MDGA2: variants seen among roughly 807,000 people sequenced by gnomAD.
The protein encoded by MDGA2 is MAM domain-containing glycosylphosphatidylinositol anchor protein 2.
In MDGA2, 40 loss-of-function variants were observed where a neutral mutation model predicts 117.8. The observed-to-expected ratio is 0.34, with a 90% CI of 0.26 to 0.44. The LOEUF is 0.44. Among genes scored for constraint, MDGA2 ranks in the 20% least tolerant of loss-of-function variants. MDGA2 has a pLI of 1.00. For synonymous variants in MDGA2, 452 were observed against 439.0 expected (o/e 1.03, Z -0.37); for missense variants, 1,123 against 1,250.6 (o/e 0.90, Z 1.54).
chr14:47,595,551 A>AC (rs36033667), intron 1 of MDGA2, among the ~76,000 whole-genome samples: 53,934 of 144,102 alleles, frequency 0.37, 11,828 homozygotes, highest in East Asian at 0.66. Context: ...AAAAAACAAA[A>AC]AAAAACAAAA....
At position 47,144,035 on chromosome 14, in the gene MDGA2, A is replaced by C. The variant is rs1164702764; in HGVS notation, c.792+43T>G. The C allele has an allele frequency of 1.1e-5, 15 of 1,389,962 alleles. 1 individual carries two copies. The East Asian group carries it at 3.9e-4, about 36-fold the overall frequency. 86.1% of individuals were successfully genotyped at this position (1,389,962 alleles called of 1,614,324 possible). ...TTCATGCTGCCTGAATTAGGAAAGT[A>C]TCCTAGCAGAGTAGGGTGGAAATAC... On this transcript the variant is annotated intron_variant, in intron 4 of 16. Coordinates refer to ENST00000399232, the MANE Select transcript of MDGA2 (RefSeq NM_001113498.3).
At chr14:47,538,914 T>C (rs769061397) in intron 1 of MDGA2, among the ~76,000 whole-genome samples, 2 of 152,016 alleles carry the variant, frequency 1.3e-5, no homozygotes, top group African/African-American at 2.4e-5. Flanking sequence ...GGTAACGGAG[T>C]ACCTAAGAAG....
intron 3 of MDGA2, among the ~76,000 whole-genome samples, chr14:47,211,428 C>T (rs148502497): frequency 2.0e-4 from 30 of 152,192 alleles, no homozygotes; most frequent in Admixed American, 6.5e-4. Context: ...TAGGTTTTCC[C>T]GCCTTAATTT....
At chr14:47,254,686 C>A (rs1306372915) in intron 2 of MDGA2, among the ~76,000 whole-genome samples, 1 of 152,194 alleles carries the variant, frequency 6.6e-6, no homozygotes, top group Non-Finnish European at 1.5e-5. Flanking sequence ...CAAACTGCTA[C>A]AGTCTCTGCC....
intron 3 of MDGA2, among the ~76,000 whole-genome samples, chr14:47,158,542 G>A (rs1257943798): frequency 1.3e-5 from 2 of 149,502 alleles, no homozygotes; most frequent in African/African-American, 5.0e-5. Context: ...GTGCAGTGGC[G>A]CGATCTCGGC....
chr14:47,638,895 T>TAGAA (rs1594956816), intron 1 of MDGA2, among the ~76,000 whole-genome samples: 1 of 152,204 alleles, frequency 6.6e-6, no homozygotes, highest in East Asian at 1.9e-4. Context: ...GTTACCTCTC[T>TAGAA]GGTCTCACCT....
At chr14:47,475,574 G>A (rs923140559) in intron 1 of MDGA2, among the ~76,000 whole-genome samples, 7 of 152,030 alleles carry the variant, frequency 4.6e-5, no homozygotes, top group East Asian at 1.9e-4. Context: ...TGGAATCAAC[G>A]CAAAAGCCCA....
At chr14:47,000,333 T>TTATATATA (rs199648904) in intron 8 of MDGA2, among the ~76,000 whole-genome samples, 4 of 128,680 alleles carry the variant, frequency 3.1e-5, no homozygotes, top group African/African-American at 1.1e-4. Flanking sequence ...ATATATATAT[T>TTATATATA]TATATATATA....
chr14:47,598,303 C>T (rs1896584746), intron 1 of MDGA2, among the ~76,000 whole-genome samples: 1 of 152,160 alleles, frequency 6.6e-6, no homozygotes, highest in Admixed American at 6.6e-5. Context: ...TACTACATAG[C>T]CCGTCAATTC....
chr14:47,503,645 C>G (rs993391727), intron 1 of MDGA2, among the ~76,000 whole-genome samples: 3 of 152,096 alleles, frequency 2.0e-5, no homozygotes, highest in African/African-American at 7.2e-5. Context: ...ACCTCGTGAT[C>G]TGCCCGCCTC....
intron 1 of MDGA2, among the ~76,000 whole-genome samples, chr14:47,542,064 G>C (rs1192430848): frequency 6.6e-6 from 1 of 152,154 alleles, no homozygotes; most frequent in Non-Finnish European, 1.5e-5. Context: ...TAGAGACACA[G>C]AGAGAGAAAG....
chr14:46,904,262 C>T (rs1883402613), intron 10 of MDGA2, among the ~76,000 whole-genome samples: 1 of 151,358 alleles, frequency 6.6e-6, no homozygotes, highest in African/African-American at 2.4e-5. Context: ...ATCCCAGCTA[C>T]TCCGGAGGCT....
chr14:47,523,244 C>T (rs1894905701), intron 1 of MDGA2, among the ~76,000 whole-genome samples: 2 of 151,980 alleles, frequency 1.3e-5, no homozygotes, highest in Admixed American at 6.6e-5. Context: ...GACAAAACAC[C>T]CGGTAAGTAC....
At chr14:47,366,097 G>A (rs1891225201) in intron 1 of MDGA2, among the ~76,000 whole-genome samples, 1 of 152,128 alleles carries the variant, frequency 6.6e-6, no homozygotes, top group Non-Finnish European at 1.5e-5. Context: ...TCCAGTAACT[G>A]CAGTTCTGAC....
At chr14:46,842,085 A>C in intron 16 of MDGA2, 66 bp from the exon 17 acceptor site, 1 of 978,166 alleles carries the variant, frequency 1.0e-6, no homozygotes, top group Non-Finnish European at 1.6e-6. Context: ...GTAGCTACTA[A>C]CACAACCTTG....
intron 1 of MDGA2, among the ~76,000 whole-genome samples, chr14:47,639,555 C>A (rs138405724): frequency 6.6e-6 from 1 of 152,140 alleles, no homozygotes; most frequent in Non-Finnish European, 1.5e-5. Context: ...TTGAATCCTG[C>A]GCACAAGTAC....
chr14:47,334,803 A>G (rs1024762641), intron 1 of MDGA2, among the ~76,000 whole-genome samples: 15 of 151,918 alleles, frequency 9.9e-5, no homozygotes, highest in Admixed American at 3.9e-4. Context: ...GACTGCTCAG[A>G]AAGTTTATCT....
chr14:47,109,986 C>G (rs1283419706), intron 5 of MDGA2, among the ~76,000 whole-genome samples: 1 of 152,104 alleles, frequency 6.6e-6, no homozygotes, highest in South Asian at 2.1e-4. Flanking sequence ...AAAAAACCTA[C>G]AAACACTGTG....
At chr14:47,380,250 T>C (rs1416063610) in intron 1 of MDGA2, among the ~76,000 whole-genome samples, 2 of 152,130 alleles carry the variant, frequency 1.3e-5, no homozygotes, top group Admixed American at 6.5e-5. Context: ...TAGCACTAAA[T>C]GCCCACAAGA....
Sources: allele counts gnomAD v4.1 joint callset (sites outside exome capture counted in the v4.1 genomes callset), GRCh38; gene constraint gnomAD v4.1.1; transcripts MANE v1.5; gene names NCBI Gene and HGNC (gene_info 2026-07-23, HGNC 2026-07-21).